NTS: variants seen among roughly 807,000 people sequenced by gnomAD.
NTS encodes the protein neurotensin.
A neutral mutation model predicts 19.5 loss-of-function variants in NTS; 20 were observed. That is an observed-to-expected ratio of 1.02 (90% CI 0.72 to 1.49). The LOEUF (loss-of-function observed/expected upper bound fraction) is 1.49. Ranked by LOEUF, NTS falls within the 40% of genes most tolerant of loss-of-function variation. The pLI, the probability that NTS is intolerant of heterozygous loss-of-function variation, is 0.00. For missense variants in NTS, 215 were observed against 193.1 expected (o/e 1.11, Z -0.67); for synonymous variants, 71 against 63.3 (o/e 1.12, Z -0.58).
Position 85,878,365 on chromosome 12 carries a change from C to G in NTS, c.156C>G (p.Pro52=). The G allele has an allele frequency of 6.2e-7, 1 of 1,605,502 alleles. No homozygotes were observed. Among genetic ancestry groups the G allele is most frequent in the Non-Finnish European group, 8.5e-7 (1 of 1,175,080 alleles). ...HTSKISKAHV[P]SWKMTLLNVC... ...TTCAGATTAGTAAAGCACATGTTCC[C>G]TCTTGGAAGATGACTCTGCTAAATG... is the stretch of plus-strand genomic sequence containing the variant. Residue 52 remains proline (P), a synonymous_variant, in exon 3 of 4, where the codon CCC becomes CCG. Coordinates refer to ENST00000256010, the MANE Select transcript of NTS (RefSeq NM_006183.5).
In NTS at chr12:85,874,985, A is replaced by C. The variant is rs1033603258; in HGVS notation, c.73+509A>C. Among the ~76,000 whole-genome samples the C allele has an allele frequency of 2.9e-4, 44 of 152,210 alleles. 1 individual carries two copies. The highest frequency in any genetic ancestry group is 2.8e-3 in the Admixed American group (42 of 15,266). ...ATTGATACTTAGTGAAAAATGAAGC[A>C]TTATTTGTAGAAAATTATTTCTAGA... On this transcript the variant is annotated intron_variant, in intron 1 of 3. Coordinates refer to ENST00000256010, the MANE Select transcript of NTS (RefSeq NM_006183.5).
rs1881353934 is a variant in NTS at position 85,876,718 on chromosome 12, T to G, written c.135+17T>G. 2.1e-6 allele frequency: 3 copies of G among 1,454,430 alleles called. No individual in the cohort carries two copies. The highest frequency in any genetic ancestry group is 2.8e-6 in the Non-Finnish European group (3 of 1,053,662). The allele number at this position is 1,454,430 out of a possible 1,614,324, so 90.1% of individuals were successfully genotyped here. On this transcript the variant is annotated intron_variant, in intron 2 of 3. Coordinates refer to ENST00000256010, the MANE Select transcript of NTS (RefSeq NM_006183.5). ...ACATCAAAGGTAACTTTTTCTTTTC[T>G]TTAACCCTGAGTTGAAGAACATATG...
intron 1 of NTS, among the ~76,000 whole-genome samples, chr12:85,875,982 C>A (rs1241859605): frequency 6.6e-6 from 1 of 151,790 alleles, no homozygotes; most frequent in Non-Finnish European, 1.5e-5. Flanking sequence ...TTTTAAAAAT[C>A]CAGAGATCCA....
chr12:85,876,470 T>A (rs1881346421), intron 1 of NTS, among the ~76,000 whole-genome samples, 170 bp from the exon 2 acceptor site: 1 of 151,948 alleles, frequency 6.6e-6, no homozygotes, highest in African/African-American at 2.4e-5. Context: ...TAGCTTCCTA[T>A]TATGCTAAAG....
chr12:85,878,038 T>A (rs571833711), intron 2 of NTS: 4 of 184,574 alleles, frequency 2.2e-5, no homozygotes, highest in African/African-American at 9.3e-5. Flanking sequence ...ATTTTTCATC[T>A]GTGATATATA....
At chr12:85,879,727 T>A (rs1881456200) in intron 3 of NTS, among the ~76,000 whole-genome samples, 1 of 141,550 alleles carries the variant, frequency 7.1e-6, no homozygotes, top group Non-Finnish European at 1.5e-5. Context: ...ATTTTTTGTA[T>A]ATTTTATGTA....
In NTS at chr12:85,882,548, A is replaced by G; in HGVS notation, c.*173A>G. ...AAATTAGACTAAGTGTTTTCAAATA[A>G]ATCTAAATCTTCAGCATGATGTGTT... On this transcript the variant is annotated 3_prime_UTR_variant, in exon 4 of 4. Coordinates refer to ENST00000256010, the MANE Select transcript of NTS (RefSeq NM_006183.5). 1 of 521,628 alleles carries G rather than the reference A, an allele frequency of 1.9e-6. No homozygotes were observed. Among genetic ancestry groups the G allele is most frequent in the East Asian group, 3.3e-5 (1 of 30,008 alleles). The allele number at this position is 521,628 out of a possible 1,614,324, so 32.3% of individuals were successfully genotyped here. A position where few individuals can be genotyped will look rare whatever the true frequency, so the allele number is the denominator to read the frequency against.
At chr12:85,879,007 T>A (rs1388060630) in intron 3 of NTS, among the ~76,000 whole-genome samples, 1 of 150,750 alleles carries the variant, frequency 6.6e-6, no homozygotes, top group Admixed American at 6.7e-5. Context: ...ATATTTGTAT[T>A]TAAATATATT....
intron 1 of NTS, among the ~76,000 whole-genome samples, chr12:85,875,138 T>A (rs1881311559): frequency 6.6e-6 from 1 of 152,140 alleles, no homozygotes; most frequent in Non-Finnish European, 1.5e-5. Flanking sequence ...AATTGGAAAA[T>A]TGGTATTCTT....
chr12:85,875,383 C>T (rs1442819761), intron 1 of NTS, among the ~76,000 whole-genome samples: 1 of 151,950 alleles, frequency 6.6e-6, no homozygotes, highest in Non-Finnish European at 1.5e-5. Flanking sequence ...AATAATTTAA[C>T]CTGTTCTGTG....
At position 85,882,472 on chromosome 12, in the gene NTS, T is replaced by G; in HGVS notation, c.*97T>G. ...TGAAAATGTGACAAACACACTTATCTGTCTCTTCTACAATTGTGGTTTATT... is the reference window on the plus strand; with the variant it reads ...TGAAAATGTGACAAACACACTTATCGGTCTCTTCTACAATTGTGGTTTATT... On this transcript the variant is annotated 3_prime_UTR_variant, in exon 4 of 4. Coordinates refer to ENST00000256010, the MANE Select transcript of NTS (RefSeq NM_006183.5). 1.0e-6 allele frequency: 1 copy of G among 959,402 alleles called. No individual in the cohort carries two copies. Among genetic ancestry groups the G allele is most frequent in the Non-Finnish European group, 1.5e-6 (1 of 645,814 alleles). 59.4% of individuals were successfully genotyped at this position (959,402 alleles called of 1,614,324 possible). A position where few individuals can be genotyped will look rare whatever the true frequency, so the allele number is the denominator to read the frequency against.
intron 3 of NTS, 77 bp downstream of exon 3, chr12:85,878,646 C>CAATCAT: frequency 2.5e-6 from 2 of 805,946 alleles, no homozygotes; most frequent in Non-Finnish European, 3.6e-6. Flanking sequence ...CTTAAATTCC[C>CAATCAT]AATCATAATC....
chr12:85,874,450 C>A lies in NTS; in HGVS notation c.47C>A (p.Ala16Asp). The A allele has an allele frequency of 6.2e-7, 1 of 1,613,044 alleles. No individual in the cohort carries two copies. Among genetic ancestry groups the A allele is most frequent in the Non-Finnish European group, 8.5e-7 (1 of 1,179,068 alleles). ...KIQLVCMLLL[A>D]FSSWSLCSDS... ...CAGCTTGTATGCATGCTACTCCTGG[C>A]TTTCAGCTCCTGGAGTCTGTGCTCA... is the stretch of plus-strand genomic sequence containing the variant. The change falls in exon 1 of 4, where the codon GCT (alanine) becomes GAT (aspartate). Residue 16 changes from alanine to aspartate, a missense_variant. Coordinates refer to ENST00000256010, the MANE Select transcript of NTS (RefSeq NM_006183.5).
chr12:85,875,288 G>A (rs1047514911), intron 1 of NTS, among the ~76,000 whole-genome samples: 51 of 151,984 alleles, frequency 3.4e-4, no homozygotes, highest in African/African-American at 1.2e-3. Flanking sequence ...TACAACCATT[G>A]CAAAAGGCTC....
At chr12:85,880,735 G>A (rs1881483841) in intron 3 of NTS, among the ~76,000 whole-genome samples, 1 of 152,092 alleles carries the variant, frequency 6.6e-6, no homozygotes, top group African/African-American at 2.4e-5. Flanking sequence ...GGCGGATCAC[G>A]AGGTCAAGAG....
chr12:85,875,168 G>T (rs1196766755), intron 1 of NTS, among the ~76,000 whole-genome samples: 3 of 152,080 alleles, frequency 2.0e-5, no homozygotes, highest in Non-Finnish European at 2.9e-5. Flanking sequence ...GAAATTATTT[G>T]ACTTTAGAGT....
In NTS at chr12:85,882,362, C is replaced by A. The variant is rs779659580; in HGVS notation, c.500C>A (p.Ser167Tyr). 6.4e-7 allele frequency: 1 copy of A among 1,569,612 alleles called. No homozygotes were observed. Among genetic ancestry groups the A allele is most frequent in the South Asian group, 1.2e-5 (1 of 83,544 alleles). Residue 167 changes from serine (S) to tyrosine (Y), a missense_variant, in exon 4 of 4, where the codon TCT becomes TAT. Ser to Tyr is a moderately radical substitution (Grantham distance 144). Coordinates refer to ENST00000256010, the MANE Select transcript of NTS (RefSeq NM_006183.5). Reference protein sequence around the residue: ...PRRPYILKRDSYYY With the variant: ...PRRPYILKRDYYYY ...AGACCCTACATACTCAAAAGAGATT[C>A]TTACTATTACTGAGAGAATAAATCA...
intron 3 of NTS, among the ~76,000 whole-genome samples, chr12:85,879,728 ATTTT>A (rs1881456471): frequency 7.1e-6 from 1 of 139,998 alleles, no homozygotes; most frequent in Admixed American, 7.2e-5. Flanking sequence ...TTTTTTGTAT[ATTTT>A]ATGTATATAA....
chr12:85,881,791 C>G (rs990333277), intron 3 of NTS, among the ~76,000 whole-genome samples: 12 of 152,060 alleles, frequency 7.9e-5, no homozygotes, highest in African/African-American at 2.9e-4. Flanking sequence ...TGTGGCCAAA[C>G]TTGGTTTACC....
Sources: allele counts gnomAD v4.1 joint callset (sites outside exome capture counted in the v4.1 genomes callset), GRCh38; gene constraint gnomAD v4.1.1; transcripts MANE v1.5; gene names NCBI Gene and HGNC (gene_info 2026-07-23, HGNC 2026-07-21).